CARD8: variants seen among roughly 807,000 people sequenced by gnomAD.
CARD8 encodes the protein caspase recruitment domain-containing protein 8.
A neutral mutation model predicts 53.2 loss-of-function variants in CARD8; 38 were observed. The observed-to-expected ratio is 0.71, with a 90% confidence interval of 0.55 to 0.94. The LOEUF is 0.94. Ranked by LOEUF, CARD8 falls within the 40% of genes least tolerant of loss-of-function variation. The probability of loss-of-function intolerance (pLI) is 0.00; values close to 1 mark genes in which losing one functional copy is unlikely to be tolerated. For synonymous variants in CARD8, 245 were observed against 244.9 expected, an observed-to-expected ratio of 1.00 and a Z score of 0.00; for missense variants, 561 against 655.5, an observed-to-expected ratio of 0.86 and a Z score of 1.57.
In CARD8 at chr19:48,211,334, A is replaced by T. The variant is rs2037930942; in HGVS notation, c.*376T>A. 2 of 179,210 alleles carry T rather than the reference A, an allele frequency of 1.1e-5. No homozygotes were observed. The highest frequency in any genetic ancestry group is 2.4e-5 in the African/African-American group (1 of 41,848). 11.1% of individuals were successfully genotyped at this position (179,210 alleles called of 1,614,324 possible). Reference sequence around the variant, plus strand: ...AGGTGATACTTCAAACGGAGTGTCCATAGGAATTATTTTTCACATTAATCA... The same window carrying T: ...AGGTGATACTTCAAACGGAGTGTCCTTAGGAATTATTTTTCACATTAATCA... On this transcript the variant is annotated 3_prime_UTR_variant, in exon 14 of 14. Coordinates refer to ENST00000651546, the MANE Select transcript of CARD8 (RefSeq NM_001184900.3).
intron 3 of CARD8, among the ~76,000 whole-genome samples, chr19:48,246,728 G>A (rs187414335): frequency 1.3e-5 from 2 of 152,134 alleles, no homozygotes; most frequent in Admixed American, 1.3e-4. Context: ...AAAACACCAT[G>A]CTGAATGAAG....
At chr19:48,207,350 T>G (rs935119821), downstream of CARD8, among the ~76,000 whole-genome samples, 1 of 152,134 alleles carries the variant, frequency 6.6e-6, no homozygotes, top group Non-Finnish European at 1.5e-5. Flanking sequence ...AACTTCACTG[T>G]GTAACTTCAG....
At chr19:48,227,490 G>T (rs1221025672) in intron 10 of CARD8, among the ~76,000 whole-genome samples, 1 of 152,122 alleles carries the variant, frequency 6.6e-6, no homozygotes, top group African/African-American at 2.4e-5. Flanking sequence ...CTGCAGAGGC[G>T]ATTTGAGGAG....
chr19:48,216,204 T>C (rs886071238), intron 12 of CARD8, among the ~76,000 whole-genome samples: 1 of 151,842 alleles, frequency 6.6e-6, no homozygotes, highest in Non-Finnish European at 1.5e-5. Flanking sequence ...GTAAACAATG[T>C]AAAAATATTC....
chr19:48,239,005 G>A (rs1008538097), intron 4 of CARD8, among the ~76,000 whole-genome samples: 3 of 152,182 alleles, frequency 2.0e-5, no homozygotes, highest in African/African-American at 7.2e-5. Flanking sequence ...GGTGATGCTC[G>A]CTACTGGCTT....
downstream of CARD8, chr19:48,206,465 G>A (rs1183584045): frequency 2.2e-6 from 1 of 460,800 alleles, no homozygotes; most frequent in Non-Finnish European, 4.4e-6. Context: ...TAAGGCACAA[G>A]CAGGTGCAGC....
chr19:48,234,638 G>T, intron 5 of CARD8, 95 bp from the exon 6 acceptor site: 2 of 1,136,984 alleles, frequency 1.8e-6, no homozygotes, highest in Admixed American at 2.7e-5. Context: ...AATAGCCATA[G>T]ACTCAATATT....
Position 48,234,478 on chromosome 19 carries a change from T to C in CARD8, c.275A>G (p.Asp92Gly), listed in dbSNP as rs1489279617. The change falls in exon 6 of 14, where the codon GAT becomes GGT. Residue 92 changes from aspartate (D) to glycine (G), a missense_variant. Transcript: ENST00000651546. The stretch of plus-strand genomic sequence containing the variant: ...TAATGGCTCTGCCTCTGTCTCATCA[T>C]CTTCTTGGAAAAAATGTGAGATGTC... Reference protein sequence around the residue: ...LCDISHFFQEDDETEAEPLLF... With the variant: ...LCDISHFFQEGDETEAEPLLF... 6.2e-7 allele frequency: 1 copy of C among 1,613,838 alleles called. No homozygotes were observed. The highest frequency in any genetic ancestry group is 1.3e-5 in the African/African-American group (1 of 74,916).
At chr19:48,207,311 G>T (rs1469689889), downstream of CARD8, among the ~76,000 whole-genome samples, 1 of 151,934 alleles carries the variant, frequency 6.6e-6, no homozygotes, top group Non-Finnish European at 1.5e-5. Flanking sequence ...ATGGCAACCT[G>T]AGCAGGATAA....
chr19:48,204,210 G>T (rs562130090), downstream of CARD8: 1 of 455,836 alleles, frequency 2.2e-6, no homozygotes, highest in Admixed American at 2.4e-5. Flanking sequence ...GCGCGCAGGA[G>T]GGGGATTCAA....
At chr19:48,224,028 C>T (rs919959347) in intron 10 of CARD8, among the ~76,000 whole-genome samples, 1 of 152,134 alleles carries the variant, frequency 6.6e-6, no homozygotes, top group African/African-American at 2.4e-5. Context: ...GTGGTGTGAT[C>T]TCAGCTCACT....
In CARD8 at chr19:48,230,886, G is replaced by C; in HGVS notation, c.663C>G (p.Asp221Glu). Residue 221 changes from aspartate to glutamate, a missense_variant, in exon 9 of 14, where the codon GAC (aspartate) becomes GAG (glutamate). By Grantham distance (45) the Asp-to-Glu change is conservative. Coordinates refer to ENST00000651546, the MANE Select transcript of CARD8 (RefSeq NM_001184900.3). ...FGSWSQHLAL[D>E]LQHHEQWLVG... ...CCAGCCACTGTTCATGGTGCTGCAG[G>C]TCCAGGGCCAGGTGCTGACTCCAGG... is the stretch of plus-strand genomic sequence containing the variant. The C allele has an allele frequency of 6.2e-7, 1 of 1,614,192 alleles. No homozygotes were observed. The highest frequency in any genetic ancestry group is 2.2e-5 in the East Asian group (1 of 44,882).
intron 5 of CARD8, among the ~76,000 whole-genome samples, chr19:48,235,548 A>G (rs1445595176): frequency 1.3e-5 from 2 of 152,138 alleles, no homozygotes; most frequent in Admixed American, 1.3e-4. Context: ...GTCTGGCAAC[A>G]AAATCTGCTT....
In CARD8 at chr19:48,216,512, G is replaced by A. The variant is rs535299235; in HGVS notation, c.1304-1128C>T. Among the ~76,000 whole-genome samples, 121 of 152,264 alleles carry A rather than the reference G, an allele frequency of 7.9e-4. 1 individual carries two copies. Among genetic ancestry groups the A allele is most frequent in the Middle Eastern group, 6.8e-3 (2 of 292 alleles). ...CTCATGTGGAGATGAGGCCTGGGTC[G>A]GCTGAGCATCATCCAACCCTGCAAT... On this transcript the variant is annotated intron_variant, in intron 12 of 13. Coordinates refer to ENST00000651546, the MANE Select transcript of CARD8 (RefSeq NM_001184900.3).
At chr19:48,245,994 C>T (rs927015010) in intron 3 of CARD8, among the ~76,000 whole-genome samples, 1 of 151,760 alleles carries the variant, frequency 6.6e-6, no homozygotes, top group Non-Finnish European at 1.5e-5. Context: ...ATGTGCAGAC[C>T]TTATTTGAAT....
intron 10 of CARD8, among the ~76,000 whole-genome samples, chr19:48,227,439 C>T (rs2042006884): frequency 1.3e-5 from 2 of 152,024 alleles, no homozygotes; most frequent in Non-Finnish European, 2.9e-5. Context: ...AAGATTCAGC[C>T]CTGGAAACTC....
chr19:48,241,534 C>T (rs914085036), intron 3 of CARD8, among the ~76,000 whole-genome samples: 3 of 152,168 alleles, frequency 2.0e-5, no homozygotes, highest in Non-Finnish European at 4.4e-5. Flanking sequence ...GGATTGCAGG[C>T]GTGAGCCACC....
At chr19:48,243,172 C>T (rs566257993) in intron 3 of CARD8, among the ~76,000 whole-genome samples, 1 of 152,238 alleles carries the variant, frequency 6.6e-6, no homozygotes, top group African/African-American at 2.4e-5. Context: ...GCCATGACGC[C>T]TGGCTAATTT....
downstream of CARD8, chr19:48,204,223 G>T (rs1176035406): frequency 2.2e-6 from 1 of 455,604 alleles, no homozygotes; most frequent in Admixed American, 2.4e-5. Context: ...GGATTCAAAG[G>T]TTGGCGTTGC....
Sources: gnomAD v4.1 joint callset for allele counts (sites outside exome capture counted in the v4.1 genomes callset) on GRCh38, gnomAD v4.1.1 for gene constraint, MANE v1.5 for transcripts, NCBI Gene and HGNC (gene_info 2026-07-23, HGNC 2026-07-21) for gene names.